KLHL32: variants seen among roughly 807,000 people sequenced by gnomAD.
KLHL32 encodes the protein kelch-like protein 32.
Under a neutral mutation model 64.8 loss-of-function variants are expected in KLHL32, and 35 were observed. The ratio of observed to expected loss-of-function variants is 0.54; its 90% CI spans 0.41 to 0.72. KLHL32 has a LOEUF of 0.72. Among genes scored for constraint, KLHL32 ranks in the 30% least tolerant of loss-of-function variants. The pLI is 0.00. For missense variants in KLHL32, 589 were observed against 768.5 expected (o/e 0.77, Z 2.76); for synonymous variants, 259 against 281.0 (o/e 0.92, Z 0.78).
rs367739784 is a variant in KLHL32 at position 96,971,163 on chromosome 6, C to T, written c.23+4080C>T. 4.3e-4 allele frequency among the ~76,000 whole-genome samples: 65 copies of T among 152,228 alleles called. No homozygotes were observed. The East Asian group carries it at 0.011, about 25-fold the overall frequency. On this transcript the variant is annotated intron_variant, in intron 2 of 10. Transcript: ENST00000369261. Reference sequence around the variant, plus strand: ...TGGTAGTCTTACTTAAAAACTACTGCATATTTTTTATATATCCAGGTTGTA... The same window carrying T: ...TGGTAGTCTTACTTAAAAACTACTGTATATTTTTTATATATCCAGGTTGTA...
In KLHL32 at chr6:97,121,509, T is replaced by C. The variant is rs183428180; in HGVS notation, c.1355-5895T>C. On this transcript the variant is annotated intron_variant, in intron 7 of 10. Coordinates refer to ENST00000369261, the MANE Select transcript of KLHL32 (RefSeq NM_052904.4). Reference sequence around the variant, plus strand: ...ACGGTTCAGTTTCTAAAATTTAAAATGTAAAGAGAAAGGTGATAAAATGGA... The same window carrying C: ...ACGGTTCAGTTTCTAAAATTTAAAACGTAAAGAGAAAGGTGATAAAATGGA... Among the ~76,000 whole-genome samples the C allele has an allele frequency of 2.0e-3, 310 of 152,248 alleles. 3 individuals carry two copies. The highest frequency in any genetic ancestry group is 9.4e-3 in the Admixed American group (143 of 15,294).
chr6:97,097,732 G>A (rs555431323), intron 6 of KLHL32, among the ~76,000 whole-genome samples: 21 of 151,982 alleles, frequency 1.4e-4, no homozygotes, highest in Non-Finnish European at 2.8e-4. Context: ...TTAAAAATCC[G>A]TCCTTATCAC....
At chr6:97,125,996 G>C (rs1408213724) in intron 7 of KLHL32, among the ~76,000 whole-genome samples, 1 of 152,154 alleles carries the variant, frequency 6.6e-6, no homozygotes, top group Non-Finnish European at 1.5e-5. Context: ...TCTAAGAAAA[G>C]GGAGGTCAAG....
intron 7 of KLHL32, 109 bp downstream of exon 7, chr6:97,114,618 G>T: frequency 7.5e-7 from 1 of 1,333,074 alleles, no homozygotes; most frequent in Non-Finnish European, 1.1e-6. Flanking sequence ...ATTGAACCAA[G>T]CATGCCATTT....
chr6:96,975,123 T>C (rs1775552040), intron 2 of KLHL32, among the ~76,000 whole-genome samples: 1 of 152,250 alleles, frequency 6.6e-6, no homozygotes, highest in Non-Finnish European at 1.5e-5. Flanking sequence ...GCATTACTTC[T>C]GTATTATTGT....
In KLHL32 at chr6:97,132,715, A is replaced by G. The variant is rs1269462538; in HGVS notation, c.1669A>G (p.Ile557Val). 1.3e-5 allele frequency: 21 copies of G among 1,613,142 alleles called. No homozygotes were observed. Among genetic ancestry groups the G allele is most frequent in the East Asian group, 4.5e-5 (2 of 44,838 alleles). Residue 557 changes from isoleucine to valine, a missense_variant, in exon 10 of 11, where the codon ATT becomes GTT. Ile to Val is a conservative substitution (Grantham distance 29). Around this residue, in one of 3 missense-constraint regions of KLHL32, gnomAD observed 172 missense variants for 192.0 expected, o/e 0.90. Transcript: ENST00000369261. ...AATATATTTAGTTGGTGGATATTCA[A>G]TTTGGACAAATGAGCCTCTGGCTTG... Reference protein sequence around the residue: ...GRIYLVGGYSIWTNEPLACIQ... With the variant: ...GRIYLVGGYSVWTNEPLACIQ...
chr6:97,094,878 G>A (rs1033590858), intron 6 of KLHL32, among the ~76,000 whole-genome samples: 4 of 152,148 alleles, frequency 2.6e-5, no homozygotes, highest in Admixed American at 2.6e-4. Flanking sequence ...GATGAGGAAT[G>A]CCCACTACCT....
At chr6:96,975,817 A>G (rs1222258680) in intron 2 of KLHL32, among the ~76,000 whole-genome samples, 180 bp from the exon 3 acceptor site, 3 of 152,088 alleles carry the variant, frequency 2.0e-5, no homozygotes, top group Non-Finnish European at 4.4e-5. Context: ...AAGCAGAGAG[A>G]ATAAGAAAAA....
intron 1 of KLHL32, among the ~76,000 whole-genome samples, chr6:96,934,421 G>A (rs1339970294): frequency 1.3e-5 from 2 of 152,088 alleles, no homozygotes; most frequent in African/African-American, 4.8e-5. Context: ...CTGGATCTGG[G>A]CCTCAGCTTT....
Position 97,114,432 on chromosome 6 carries a change from G to A in KLHL32, c.1277G>A (p.Trp426Ter). ...CGATATTGCCCCAAGAAGAACAAAT[G>A]GACTTTTGTTCAGTCCTTTGACAGA... ...VERYCPKKNK[W>*]TFVQSFDRSL... The change falls in exon 7 of 11, where the codon TGG becomes TAG. Residue 426 changes from tryptophan to a stop codon, truncating the protein, a stop_gained. Coordinates refer to ENST00000369261, the MANE Select transcript of KLHL32 (RefSeq NM_052904.4). LOFTEE classifies it high-confidence loss of function. The A allele has an allele frequency of 6.2e-7, 1 of 1,614,182 alleles. No homozygotes were observed. The highest frequency in any genetic ancestry group is 8.5e-7 in the Non-Finnish European group (1 of 1,180,024).
rs1779912587 is a variant in KLHL32, at chr6:97,008,215, C to G, written c.204+32038C>G. ...TTGTGGTGGGGGAAGACCGTGGCAG[C>G]CCTGTGTGTTTCAGCCGGTTCCAGT... is the stretch of plus-strand genomic sequence containing the variant. On this transcript the variant is annotated intron_variant, in intron 3 of 10. Transcript: ENST00000369261. 2.0e-5 allele frequency among the ~76,000 whole-genome samples: 3 copies of G among 152,132 alleles called. No individual in the cohort carries two copies. The South Asian group carries it at 6.2e-4, about 31-fold the overall frequency.
At chr6:97,027,475 T>C (rs1001020366) in intron 3 of KLHL32, among the ~76,000 whole-genome samples, 9 of 152,226 alleles carry the variant, frequency 5.9e-5, no homozygotes, top group Non-Finnish European at 2.9e-5. Flanking sequence ...TCTGAATGAT[T>C]TGTGTCAAAA....
At chr6:97,062,602 T>C (rs888206420) in intron 4 of KLHL32, 2 of 152,212 alleles carry the variant, frequency 1.3e-5, no homozygotes, top group African/African-American at 4.8e-5. Context: ...TTAGTTAAAA[T>C]TGATTCTGAA....
upstream of KLHL32, among the ~76,000 whole-genome samples, chr6:96,920,514 C>T (rs1198700891): frequency 6.6e-6 from 1 of 152,002 alleles, no homozygotes; most frequent in African/African-American, 2.4e-5. Flanking sequence ...TGAACAGAGC[C>T]AGCTTCAGAT....
At chr6:97,055,794 T>A (rs12214764) in intron 4 of KLHL32, among the ~76,000 whole-genome samples, 1 of 66,866 alleles carries the variant, frequency 1.5e-5, no homozygotes, top group Non-Finnish European at 2.9e-5. Flanking sequence ...TGAGAACCTG[T>A]CTAAAAAAAA....
chr6:97,082,802 GT>G (rs1448506036), intron 5 of KLHL32, among the ~76,000 whole-genome samples: 1 of 151,986 alleles, frequency 6.6e-6, no homozygotes, highest in Non-Finnish European at 1.5e-5. Context: ...CTTGCAATTA[GT>G]TTTTATCTTA....
chr6:97,127,178 G>C (rs368276107), intron 7 of KLHL32, among the ~76,000 whole-genome samples: 1 of 152,342 alleles, frequency 6.6e-6, no homozygotes, highest in East Asian at 1.9e-4. Context: ...TCTTGGTAAT[G>C]TCAGCATACT....
intron 3 of KLHL32, among the ~76,000 whole-genome samples, chr6:97,033,370 G>A (rs1226623821): frequency 3.9e-5 from 6 of 151,964 alleles, no homozygotes; most frequent in Admixed American, 3.3e-4. Flanking sequence ...CTTTTTTAAG[G>A]CTAAATAATG....
chr6:97,009,976 A>G (rs893614906), intron 3 of KLHL32, among the ~76,000 whole-genome samples: 1 of 152,046 alleles, frequency 6.6e-6, no homozygotes, highest in Non-Finnish European at 1.5e-5. Context: ...AGAGGCTTCT[A>G]TGTCTCCAGC....
Sources: gnomAD v4.1 joint callset for allele counts (sites outside exome capture counted in the v4.1 genomes callset) on GRCh38, gnomAD v4.1.1 for gene constraint, gnomAD v4.1.1 regional missense constraint, MANE v1.5 for transcripts, NCBI Gene and HGNC (gene_info 2026-07-23, HGNC 2026-07-21) for gene names.